FABP7: variants seen among roughly 807,000 people sequenced by gnomAD.
FABP7 encodes fatty acid-binding protein, brain.
A neutral mutation model predicts 14.2 loss-of-function variants in FABP7; 13 were observed. The observed-to-expected ratio is 0.91, with a 90% CI of 0.59 to 1.45. The LOEUF is 1.45. Among genes scored for constraint, FABP7 ranks in the 40% most tolerant of loss-of-function variants. The pLI is 0.00. For synonymous variants in FABP7, 49 were observed against 51.4 expected (o/e 0.95, Z 0.20); for missense variants, 149 against 157.6 (o/e 0.95, Z 0.29).
At chr6:122,755,720 G>A in the FABP7 span, among the ~76,000 whole-genome samples, 1 of 151,956 alleles carries the variant, frequency 6.6e-6, no homozygotes, top group South Asian at 2.1e-4. Context: ...GCCTCCCAAA[G>A]TGCTGGGATT....
rs1780734131 is a variant in FABP7, at chr6:122,779,750, C to A, written c.-45C>A. 1 of 1,588,842 alleles carries A rather than the reference C, an allele frequency of 6.3e-7. No individual in the cohort carries two copies. Among genetic ancestry groups the A allele is most frequent in the South Asian group, 1.1e-5 (1 of 90,138 alleles). The stretch of plus-strand genomic sequence containing the variant: ...CTTCTGAGCTGCAGTGGCAATTAGA[C>A]CAGAAGATCCCCGCTCCTGTCTCTA... On this transcript the variant is annotated 5_prime_UTR_variant, in exon 1 of 4. Transcript: ENST00000368444.
the FABP7 span, among the ~76,000 whole-genome samples, chr6:122,763,713 A>T: frequency 6.6e-6 from 1 of 152,236 alleles, no homozygotes; most frequent in South Asian, 2.1e-4. Flanking sequence ...AAACAACCCC[A>T]TCAACAAGTG....
chr6:122,749,385 C>A, the FABP7 span, among the ~76,000 whole-genome samples: 1 of 152,142 alleles, frequency 6.6e-6, no homozygotes, highest in African/African-American at 2.4e-5. Flanking sequence ...ATGCTGCCTA[C>A]ATTTATTAAA....
the FABP7 span, among the ~76,000 whole-genome samples, chr6:122,749,623 C>T: frequency 6.6e-6 from 1 of 152,172 alleles, no homozygotes; most frequent in African/African-American, 2.4e-5. Context: ...TTCCAGTATC[C>T]TATATCCTTG....
intron 1 of FABP7, 148 bp downstream of exon 1, chr6:122,780,015 G>A: frequency 1.2e-6 from 1 of 844,526 alleles, no homozygotes; most frequent in African/African-American, 1.7e-5. Flanking sequence ...TCCACTGAAT[G>A]GATTTTTAAT....
the FABP7 span, among the ~76,000 whole-genome samples, chr6:122,761,850 T>G: frequency 6.6e-6 from 1 of 152,178 alleles, no homozygotes; most frequent in Admixed American, 6.6e-5. Context: ...AATTCTTTTC[T>G]GTTTTTCAAG....
chr6:122,765,740 T>G, the FABP7 span, among the ~76,000 whole-genome samples: 1 of 152,018 alleles, frequency 6.6e-6, no homozygotes, highest in Non-Finnish European at 1.5e-5. Flanking sequence ...CCCTTTCATC[T>G]GGCTCATTTT....
At chr6:122,775,705 A>AAC (rs1554243098), upstream of FABP7, among the ~76,000 whole-genome samples, 110 of 63,852 alleles carry the variant, frequency 1.7e-3, 1 homozygote, top group East Asian at 0.027. Context: ...CAACAACAAC[A>AAC]AAAAAAACAA....
At chr6:122,782,022 G>A (rs1780801615) in intron 3 of FABP7, 13 of 979,958 alleles carry the variant, frequency 1.3e-5, no homozygotes, top group African/African-American at 1.8e-5. Context: ...AGAGTGCTGG[G>A]ATTACAGGCC....
chr6:122,754,540 G>A, the FABP7 span, among the ~76,000 whole-genome samples: 2 of 151,890 alleles, frequency 1.3e-5, no homozygotes, highest in African/African-American at 4.8e-5. Flanking sequence ...TTTGTCAAAG[G>A]TTCAGGCTTC....
upstream of FABP7, among the ~76,000 whole-genome samples, chr6:122,776,993 T>C (rs1780687188): frequency 6.6e-6 from 1 of 152,182 alleles, no homozygotes; most frequent in South Asian, 2.1e-4. Flanking sequence ...TAATGGAATA[T>C]ATGCTCTACG....
At chr6:122,782,295 C>A (rs1431434079) in intron 3 of FABP7, 1 of 751,910 alleles carries the variant, frequency 1.3e-6, no homozygotes. Flanking sequence ...GTTCTGAAAG[C>A]TGGACGCCTG....
rs1257505369 is a variant in FABP7, at chr6:122,780,298, C to G, written c.81C>G (p.Gly27=). The part of the protein sequence containing the change: ...FDEYMKALGV[G]FATRQVGNVT... ...TTCCCTTTGCTATTTTAGGCGTGGGCTTTGCCACTAGGCAGGTGGGAAATG... is the reference window on the plus strand; with the variant it reads ...TTCCCTTTGCTATTTTAGGCGTGGGGTTTGCCACTAGGCAGGTGGGAAATG... Residue 27 remains glycine, a synonymous_variant, in exon 2 of 4, where the codon GGC becomes GGG. Coordinates refer to ENST00000368444, the MANE Select transcript of FABP7 (RefSeq NM_001446.5). 1 of 1,613,936 alleles carries G rather than the reference C, an allele frequency of 6.2e-7. No homozygotes were observed.
the FABP7 span, among the ~76,000 whole-genome samples, chr6:122,752,472 G>A: frequency 6.6e-6 from 1 of 152,156 alleles, no homozygotes; most frequent in Non-Finnish European, 1.5e-5. Flanking sequence ...TATATATAGG[G>A]GATTTCTTTC....
intron 3 of FABP7, chr6:122,783,163 C>G (rs1311893979): frequency 2.2e-5 from 22 of 985,282 alleles, no homozygotes; most frequent in Non-Finnish European, 2.7e-5. Context: ...AGTAATAGAG[C>G]TGATGTTCCG....
rs369600380 is a variant in FABP7, at chr6:122,783,001, T to C, written c.349-716T>C. 5.7e-5 allele frequency: 56 copies of C among 985,256 alleles called. No homozygotes were observed. The Middle Eastern group carries it at 2.1e-3, about 36-fold the overall frequency. The allele number at this position is 985,256 out of a possible 1,614,324, so 61.0% of individuals were successfully genotyped here. On this transcript the variant is annotated intron_variant, in intron 3 of 3. Transcript: ENST00000368444. ...CATGCATGACTATGATCAGGCAAGATTGAGTTCAAAAAGGAAGACTAAAGC... is the reference window on the plus strand; with the variant it reads ...CATGCATGACTATGATCAGGCAAGACTGAGTTCAAAAAGGAAGACTAAAGC...
the FABP7 span, among the ~76,000 whole-genome samples, chr6:122,760,007 T>C: frequency 6.6e-6 from 1 of 151,644 alleles, no homozygotes; most frequent in African/African-American, 2.4e-5. Flanking sequence ...CAGTCCTAGC[T>C]ACTCAGGAGG....
chr6:122,779,007 C>T (rs1780718888), upstream of FABP7, among the ~76,000 whole-genome samples: 1 of 152,048 alleles, frequency 6.6e-6, no homozygotes, highest in African/African-American at 2.4e-5. Context: ...GTCCCTTTTC[C>T]AACTCAGTCT....
upstream of FABP7, among the ~76,000 whole-genome samples, chr6:122,778,427 C>T (rs1253561819): frequency 7.2e-5 from 11 of 152,160 alleles, no homozygotes; most frequent in Non-Finnish European, 1.5e-4. Flanking sequence ...GTAGCCGCCA[C>T]CTAGCGTAGG....
Sources: gnomAD v4.1 joint callset for allele counts (sites outside exome capture counted in the v4.1 genomes callset) on GRCh38, gnomAD v4.1.1 for gene constraint, MANE v1.5 for transcripts, NCBI Gene and HGNC (gene_info 2026-07-23, HGNC 2026-07-21) for gene names.